The following RAD51B variants were observed in gnomAD, a reference collection of about 807,000 sequenced individuals.
RAD51B encodes the protein RAD51 paralog B.
In RAD51B, 38 loss-of-function variants were observed where a neutral mutation model predicts 42.2. That is an observed-to-expected ratio of 0.90 (90% CI 0.70 to 1.18). The LOEUF is 1.18. Among genes scored for constraint, RAD51B ranks in the 50% most tolerant of loss-of-function variants. The pLI is 0.00. For missense variants in RAD51B, 373 were observed against 400.7 expected, an observed-to-expected ratio of 0.93 and a Z score of 0.59; for synonymous variants, 154 against 145.2, an observed-to-expected ratio of 1.06 and a Z score of -0.43.
chr14:67,886,246 A>G (rs1265480550), intron 6 of RAD51B, among the ~76,000 whole-genome samples: 1 of 152,160 alleles, frequency 6.6e-6, no homozygotes, highest in Non-Finnish European at 1.5e-5. Flanking sequence ...AAATTGTCTC[A>G]CAGTTTAGTA....
At chr14:68,094,637 A>G (rs1219403979) in intron 7 of RAD51B, among the ~76,000 whole-genome samples, 1 of 152,196 alleles carries the variant, frequency 6.6e-6, no homozygotes, top group Non-Finnish European at 1.5e-5. Flanking sequence ...GGGTAAAAAA[A>G]TAAAATAAGC....
At chr14:67,940,036 ATATATATATATATATATATTTTTTT>A (rs1566969130) in intron 7 of RAD51B, among the ~76,000 whole-genome samples, 1 of 8,936 alleles carries the variant, frequency 1.1e-4, no homozygotes, top group African/African-American at 2.3e-4. Context: ...ATATATATAT[ATATATATATATATATATATTTTTTT>A]TTTTTTTTTT....
intron 8 of RAD51B, among the ~76,000 whole-genome samples, chr14:68,318,017 C>A (rs563713190): frequency 2.6e-5 from 4 of 152,342 alleles, no homozygotes; most frequent in African/African-American, 9.6e-5. Flanking sequence ...CCATTAATTT[C>A]ACTCTGTCTG....
At chr14:68,253,011 C>T (rs768897695) in intron 7 of RAD51B, among the ~76,000 whole-genome samples, 12 of 150,142 alleles carry the variant, frequency 8.0e-5, no homozygotes, top group Non-Finnish European at 8.9e-5. Flanking sequence ...TGAACCTGGG[C>T]GGCGGAGGTT....
intron 7 of RAD51B, among the ~76,000 whole-genome samples, chr14:68,019,571 A>T (rs369067490): frequency 6.6e-6 from 1 of 152,072 alleles, no homozygotes; most frequent in East Asian, 1.9e-4. Flanking sequence ...ATGAGATGCA[A>T]AACCTGCATG....
At chr14:68,096,364 G>A (rs952973127) in intron 7 of RAD51B, among the ~76,000 whole-genome samples, 1 of 152,178 alleles carries the variant, frequency 6.6e-6, no homozygotes, top group African/African-American at 2.4e-5. Context: ...TTGTGTGAAT[G>A]ACTTATTCTC....
intron 10 of RAD51B, among the ~76,000 whole-genome samples, chr14:68,505,561 T>A (rs1885252179): frequency 6.7e-6 from 1 of 149,488 alleles, no homozygotes; most frequent in Non-Finnish European, 1.5e-5. Flanking sequence ...TTTTTTTTTT[T>A]TTTTTTTGAG....
chr14:68,125,398 C>T (rs568922456), intron 7 of RAD51B: 1 of 152,256 alleles, frequency 6.6e-6, no homozygotes, highest in Admixed American at 6.5e-5. Flanking sequence ...TCCATGAGAG[C>T]TGGAAGAAAA....
intron 10 of RAD51B, among the ~76,000 whole-genome samples, chr14:68,564,397 T>C (rs1889316458): frequency 6.6e-6 from 1 of 152,192 alleles, no homozygotes; most frequent in Non-Finnish European, 1.5e-5. Context: ...CTGTTAGCAT[T>C]GCTGTGGTGC....
intron 9 of RAD51B, among the ~76,000 whole-genome samples, chr14:68,452,150 A>G (rs780967201): frequency 6.6e-6 from 1 of 152,306 alleles, no homozygotes; most frequent in Non-Finnish European, 1.5e-5. Context: ...AGAGCTTAGC[A>G]TTAACAGCTG....
chr14:68,392,290 G>T (rs970970343), intron 8 of RAD51B, among the ~76,000 whole-genome samples: 101 of 152,274 alleles, frequency 6.6e-4, no homozygotes, highest in African/African-American at 2.4e-3. Context: ...AGCAAACCCT[G>T]TTTTTTTGGA....
Position 67,893,509 on chromosome 14 carries a change from C to CA in RAD51B, c.756+6314dup, listed in dbSNP as rs71129863. 2.0e-3 allele frequency among the ~76,000 whole-genome samples: 171 copies of CA among 83,782 alleles called. 9 individuals are homozygous for CA. The highest frequency in any genetic ancestry group is 7.9e-3 in the African/African-American group (166 of 21,110). The allele number at this position is 83,782 out of a possible 152,430, so 55.0% of individuals were successfully genotyped here. A position where few individuals can be genotyped will look rare whatever the true frequency, so the allele number is the denominator to read the frequency against. The stretch of plus-strand genomic sequence containing the variant: ...ACACACACACACACACACACACACA[C>CA]AAAAAAAAACAATTAGCTGGGTGTG... On this transcript the variant is annotated intron_variant, in intron 7 of 10. Transcript: ENST00000471583.
Position 68,370,310 on chromosome 14 carries a change from CAAT to C in RAD51B, c.854-41107_854-41105del, listed in dbSNP as rs111511707. ...ACTCTTTACCAAAGGGCAACTGATC[CAAT>C]AATAATGATAGCAACAACAATAACA... On this transcript the variant is annotated intron_variant, in intron 8 of 10. Coordinates refer to ENST00000471583, the MANE Select transcript of RAD51B (RefSeq NM_133510.4). Among the ~76,000 whole-genome samples the C allele has an allele frequency of 5.3e-5, 8 of 152,284 alleles. 1 individual carries two copies. The highest frequency in any genetic ancestry group is 1.9e-4 in the African/African-American group (8 of 41,568).
At chr14:68,574,375 A>G (rs1889865687) in intron 10 of RAD51B, among the ~76,000 whole-genome samples, 1 of 152,224 alleles carries the variant, frequency 6.6e-6, no homozygotes, top group Non-Finnish European at 1.5e-5. Context: ...GGTGTGAGCC[A>G]CTGCACCCGG....
chr14:68,081,970 C>CT lies in RAD51B; in HGVS notation c.756+194774dup, dbSNP rs1254278840. On this transcript the variant is annotated intron_variant, in intron 7 of 10. Coordinates refer to ENST00000471583, the MANE Select transcript of RAD51B (RefSeq NM_133510.4). ...ATATTTCTTTTTTCTTTTTCTTTTTCTTTTTTTTGAGACAGAGTCTTGCTC... is the reference window on the plus strand; with the variant it reads ...ATATTTCTTTTTTCTTTTTCTTTTTCTTTTTTTTTGAGACAGAGTCTTGCTC... Among the ~76,000 whole-genome samples the CT allele has an allele frequency of 3.3e-5, 5 of 150,120 alleles. 1 individual carries two copies. The highest frequency in any genetic ancestry group is 3.9e-4 in the East Asian group (2 of 5,136).
At chr14:68,472,149 G>C (rs1456665129) in intron 10 of RAD51B, 1 of 152,652 alleles carries the variant, frequency 6.6e-6, no homozygotes, top group Non-Finnish European at 1.5e-5. Context: ...CTGGGAATCA[G>C]CTTTAATGGT....
chr14:68,278,865 T>C (rs2081271184), intron 7 of RAD51B, among the ~76,000 whole-genome samples: 1 of 152,208 alleles, frequency 6.6e-6, no homozygotes, highest in Admixed American at 6.5e-5. Flanking sequence ...GTTCCTGTGC[T>C]TGCTCTCCTG....
intron 4 of RAD51B, among the ~76,000 whole-genome samples, chr14:67,859,703 T>C (rs966607517): frequency 1.3e-5 from 2 of 152,186 alleles, no homozygotes; most frequent in East Asian, 3.8e-4. Flanking sequence ...TTTAAAAGCA[T>C]CTTTTGTGTT....
At chr14:68,106,147 G>A (rs570317372) in intron 7 of RAD51B, among the ~76,000 whole-genome samples, 5 of 151,916 alleles carry the variant, frequency 3.3e-5, no homozygotes, top group South Asian at 2.1e-4. Context: ...TTGAGCATTC[G>A]TTTTGTTCTA....
Sources: gnomAD v4.1 joint callset for allele counts (sites outside exome capture counted in the v4.1 genomes callset) on GRCh38, gnomAD v4.1.1 for gene constraint, MANE v1.5 for transcripts, NCBI Gene and HGNC (gene_info 2026-07-23, HGNC 2026-07-21) for gene names.